The following ELF2 variants were observed in gnomAD, a reference collection of about 807,000 sequenced individuals.
ELF2 encodes the protein E74 like ETS transcription factor 2.
Under a neutral mutation model 54.8 loss-of-function variants are expected in ELF2, and 11 were observed. The observed-to-expected ratio is 0.20, with a 90% confidence interval of 0.13 to 0.33. The LOEUF is 0.33. ELF2 is among the 10% of genes least tolerant of loss of function. The probability of loss-of-function intolerance (pLI) is 1.00; values close to 1 mark genes in which losing one functional copy is unlikely to be tolerated. For missense variants in ELF2, 513 were observed against 703.0 expected (o/e 0.73, Z 3.06); for synonymous variants, 203 against 245.1 (o/e 0.83, Z 1.61).
intron 1 of ELF2, among the ~76,000 whole-genome samples, chr4:139,151,052 GAAAGAAAGAAAGAAAGAAAGAAA>G (rs1739893773): frequency 1.3e-5 from 1 of 79,332 alleles, no homozygotes; most frequent in Non-Finnish European, 3.0e-5. Context: ...AAGAAAGAAA[GAAAGAAAGAAAGAAAGAAAGAAA>G]GAAAGAAAGA....
rs191609674 is a variant in ELF2 at position 139,159,321 on chromosome 4, G to A, written c.-252+17646C>T. 8.7e-4 allele frequency among the ~76,000 whole-genome samples: 133 copies of A among 152,324 alleles called. 3 individuals are homozygous for A. Among genetic ancestry groups the A allele is most frequent in the Admixed American group, 8.4e-3 (128 of 15,294 alleles). ...TTCCACGACAGAAAGGAAATGAGAC[G>A]TTTTAAGAGATGGGCTAGCAGCTTG... On this transcript the variant is annotated intron_variant, in intron 1 of 9. Transcript: ENST00000686138.
chr4:139,108,120 T>G (rs1265232479), intron 4 of ELF2, among the ~76,000 whole-genome samples: 1 of 152,204 alleles, frequency 6.6e-6, no homozygotes, highest in African/African-American at 2.4e-5. Flanking sequence ...GTCATTAAAT[T>G]TTTTAAAAAA....
At chr4:139,151,032 AAAAGAAAG>A (rs71600182) in intron 1 of ELF2, among the ~76,000 whole-genome samples, 6,685 of 102,444 alleles carry the variant, frequency 0.065, 387 homozygotes, top group South Asian at 0.097. Flanking sequence ...TCAAAAAAAA[AAAAGAAAG>A]AAAGAAAGAA....
intron 4 of ELF2, among the ~76,000 whole-genome samples, chr4:139,113,150 T>C (rs1253049264): frequency 6.6e-6 from 1 of 151,916 alleles, no homozygotes; most frequent in Non-Finnish European, 1.5e-5. Flanking sequence ...TTGAGCCCAG[T>C]AGTATGAGAC....
chr4:139,109,887 G>A (rs895760428), intron 4 of ELF2, among the ~76,000 whole-genome samples: 1 of 152,130 alleles, frequency 6.6e-6, no homozygotes, highest in African/African-American at 2.4e-5. Context: ...CGTGTACTGT[G>A]TTCACTATCT....
chr4:139,116,314 T>TA (rs1463421247), intron 4 of ELF2, among the ~76,000 whole-genome samples: 3 of 149,496 alleles, frequency 2.0e-5, no homozygotes, highest in African/African-American at 7.4e-5. Context: ...AAACACTTAT[T>TA]AAAAATTTAG....
At chr4:139,162,256 C>T (rs1023727467) in intron 1 of ELF2, among the ~76,000 whole-genome samples, 6 of 151,408 alleles carry the variant, frequency 4.0e-5, no homozygotes, top group African/African-American at 1.2e-4. Flanking sequence ...CGGTGGCTCA[C>T]GCCTGAAATC....
chr4:139,104,490 C>T (rs942206866), intron 4 of ELF2, among the ~76,000 whole-genome samples: 1 of 121,864 alleles, frequency 8.2e-6, no homozygotes, highest in Non-Finnish European at 1.6e-5. Flanking sequence ...GCCTGGAAGA[C>T]ACAGTGAGAC....
intron 1 of ELF2, among the ~76,000 whole-genome samples, chr4:139,170,154 G>C (rs533047369): frequency 6.6e-6 from 1 of 151,510 alleles, no homozygotes; most frequent in South Asian, 2.1e-4. Context: ...GGATTAGGCA[G>C]AGTTCTTACA....
chr4:139,104,508 CA>C (rs34642901), intron 4 of ELF2, among the ~76,000 whole-genome samples: 1,510 of 76,882 alleles, frequency 0.02, 19 homozygotes, highest in African/African-American at 0.072. Context: ...GACTCTGTCT[CA>C]AAAAAAAAAA....
rs553542104 is a variant in ELF2, at chr4:139,159,726, G to A, written c.-252+17241C>T. On this transcript the variant is annotated intron_variant, in intron 1 of 9. Transcript: ENST00000686138. ...CAGCGTAAGCCTTGACCTGAGCGAT[G>A]AGATCTGATGCCTTTTGATGGCCTT... 1.4e-4 allele frequency among the ~76,000 whole-genome samples: 22 copies of A among 152,316 alleles called. No homozygotes were observed. In the East Asian group the frequency reaches 3.9e-3, roughly 27 times the overall value.
chr4:139,132,518 T>C (rs1191711638), intron 3 of ELF2, among the ~76,000 whole-genome samples: 2 of 152,170 alleles, frequency 1.3e-5, no homozygotes, highest in Admixed American at 6.5e-5. Context: ...TCCCTATAGA[T>C]CTGCCTTTTC....
intron 4 of ELF2, among the ~76,000 whole-genome samples, chr4:139,092,373 G>GTAACA (rs1339575229): frequency 6.9e-6 from 1 of 144,682 alleles, no homozygotes; most frequent in African/African-American, 2.6e-5. Flanking sequence ...AAATCATAAC[G>GTAACA]TAACATAACA....
intron 7 of ELF2, among the ~76,000 whole-genome samples, chr4:139,065,021 TTC>T (rs1219197427): frequency 6.6e-6 from 1 of 152,212 alleles, no homozygotes; most frequent in African/African-American, 2.4e-5. Flanking sequence ...TTCAGTTATT[TTC>T]TTTTTTTTGC....
intron 1 of ELF2, among the ~76,000 whole-genome samples, chr4:139,151,034 A>AAAAAAGAAAGGAC (rs1739863201): frequency 2.4e-5 from 1 of 42,480 alleles, no homozygotes; most frequent in African/African-American, 5.5e-5. Context: ...AAAAAAAAAA[A>AAAAAAGAAAGGAC]AGAAAGAAAG....
chr4:139,078,734 T>C (rs932869686), intron 4 of ELF2, among the ~76,000 whole-genome samples: 9 of 152,232 alleles, frequency 5.9e-5, no homozygotes, highest in African/African-American at 1.4e-4. Context: ...TACCATACAG[T>C]ACAGACCTAA....
chr4:139,162,927 T>C (rs1017180821), intron 1 of ELF2, among the ~76,000 whole-genome samples: 6 of 151,932 alleles, frequency 3.9e-5, no homozygotes, highest in African/African-American at 1.5e-4. Flanking sequence ...CAAGACTCTG[T>C]CTCTACAAAA....
Position 139,067,689 on chromosome 4 carries a change from C to T in ELF2, c.608G>A (p.Gly203Glu), listed in dbSNP as rs763010441. ...ELGIKKKPRE[G>E]KGNTTYLWEF... ...AGCAACCCTCCCCAAATTACCTTTT[C>T]CTTCTCTTGGTTTCTTCTTTATACC... Residue 203 changes from glycine to glutamate, a missense_variant, in exon 7 of 10, where the codon GGA becomes GAA. By Grantham distance (98) the Gly-to-Glu change is moderately conservative (BLOSUM62 -2). This residue lies in a region of ELF2 where 203 missense variants were observed against 245.9 expected (regional missense o/e 0.83). Transcript: ENST00000686138. 1 of 1,611,870 alleles carries T rather than the reference C, an allele frequency of 6.2e-7. No individual in the cohort carries two copies. The highest frequency in any genetic ancestry group is 1.1e-5 in the South Asian group (1 of 90,826).
At chr4:139,065,334 A>G (rs1044539776) in intron 7 of ELF2, among the ~76,000 whole-genome samples, 1 of 152,086 alleles carries the variant, frequency 6.6e-6, no homozygotes, top group Non-Finnish European at 1.5e-5. Flanking sequence ...AAAATTAGCC[A>G]GACACGGTGG....
Sources: gnomAD v4.1 joint callset for allele counts (sites outside exome capture counted in the v4.1 genomes callset) on GRCh38, gnomAD v4.1.1 for gene constraint, gnomAD v4.1.1 regional missense constraint, MANE v1.5 for transcripts, NCBI Gene and HGNC (gene_info 2026-07-23, HGNC 2026-07-21) for gene names.